KCNMA1: variants seen among roughly 807,000 people sequenced by gnomAD.
KCNMA1 encodes Calcium-activated potassium channel subunit alpha-1.
KCNMA1 carries 29 observed loss-of-function variants against 140.0 expected under a neutral mutation model. That is an observed-to-expected ratio of 0.21 (90% CI 0.15 to 0.28). The LOEUF (loss-of-function observed/expected upper bound fraction) is 0.28, where lower values mean the gene tolerates loss of function less well. Ranked by LOEUF, KCNMA1 falls within the 10% of genes least tolerant of loss-of-function variation. The pLI is 1.00. For missense variants in KCNMA1, 880 were observed against 1,602.2 expected, an observed-to-expected ratio of 0.55 and a Z score of 7.70; for synonymous variants, 612 against 611.9, an observed-to-expected ratio of 1.00 and a Z score of 0.00.
At chr10:77,327,457 G>A (rs1345898713) in intron 2 of KCNMA1, among the ~76,000 whole-genome samples, 2 of 152,102 alleles carry the variant, frequency 1.3e-5, no homozygotes, top group East Asian at 1.9e-4. Flanking sequence ...GGGTTCAAGC[G>A]ATTCTCCTAC....
intron 25 of KCNMA1, chr10:76,902,986 G>T (rs1316200974): frequency 1.3e-5 from 2 of 152,192 alleles, no homozygotes; most frequent in Non-Finnish European, 2.9e-5. Flanking sequence ...CTGAGAGCTG[G>T]CTCAGAACAC....
chr10:77,246,302 T>C (rs2058529492), intron 3 of KCNMA1, among the ~76,000 whole-genome samples: 1 of 152,208 alleles, frequency 6.6e-6, no homozygotes, highest in Admixed American at 6.5e-5. Context: ...CATCTGTAAG[T>C]GGGAATAGTA....
chr10:77,552,844 T>C (rs2063190601), intron 1 of KCNMA1, among the ~76,000 whole-genome samples: 1 of 151,720 alleles, frequency 6.6e-6, no homozygotes, highest in Non-Finnish European at 1.5e-5. Flanking sequence ...AGGCCAGGAG[T>C]TGAAGACCAG....
At chr10:77,536,609 A>G (rs1229481290) in intron 1 of KCNMA1, among the ~76,000 whole-genome samples, 1 of 152,190 alleles carries the variant, frequency 6.6e-6, no homozygotes, top group East Asian at 1.9e-4. Context: ...GAGGAAGTAG[A>G]GGCACAAAGA....
At chr10:77,151,111 C>T (rs190125189) in intron 5 of KCNMA1, among the ~76,000 whole-genome samples, 1 of 151,080 alleles carries the variant, frequency 6.6e-6, no homozygotes, top group East Asian at 1.9e-4. Flanking sequence ...CTCTTTTCTT[C>T]TCTCTCTCTT....
chr10:77,461,123 A>T (rs1384929312), intron 1 of KCNMA1, among the ~76,000 whole-genome samples: 1 of 151,812 alleles, frequency 6.6e-6, no homozygotes, highest in African/African-American at 2.4e-5. Flanking sequence ...AAAAAAAATT[A>T]CCTATTGGAT....
At chr10:77,279,890 A>G (rs1273742470) in intron 2 of KCNMA1, among the ~76,000 whole-genome samples, 1 of 152,178 alleles carries the variant, frequency 6.6e-6, no homozygotes, top group Non-Finnish European at 1.5e-5. Flanking sequence ...CATGATTGTG[A>G]GGCCTCCCCA....
chr10:77,425,124 G>A (rs1197474121), intron 1 of KCNMA1, among the ~76,000 whole-genome samples: 1 of 151,974 alleles, frequency 6.6e-6, no homozygotes, highest in Non-Finnish European at 1.5e-5. Flanking sequence ...TGGATGGATG[G>A]ATGGATGGAT....
intron 2 of KCNMA1, among the ~76,000 whole-genome samples, chr10:77,331,445 G>C (rs1249152032): frequency 6.6e-6 from 1 of 152,132 alleles, no homozygotes; most frequent in Non-Finnish European, 1.5e-5. Flanking sequence ...ATGAAATGAT[G>C]CTGAAGAGGA....
intron 4 of KCNMA1, among the ~76,000 whole-genome samples, chr10:77,183,808 G>T (rs1367327794): frequency 1.3e-5 from 2 of 152,046 alleles, no homozygotes; most frequent in African/African-American, 4.8e-5. Flanking sequence ...AATTTTTAAG[G>T]TCTGGAGGGA....
chr10:77,098,646 G>T (rs2097005277), intron 9 of KCNMA1, among the ~76,000 whole-genome samples: 1 of 151,832 alleles, frequency 6.6e-6, no homozygotes, highest in African/African-American at 2.4e-5. Context: ...TGCAACCAGA[G>T]AATCCTAACT....
At chr10:77,233,227 T>A (rs1024622233) in intron 3 of KCNMA1, among the ~76,000 whole-genome samples, 5 of 152,300 alleles carry the variant, frequency 3.3e-5, no homozygotes, top group Admixed American at 6.5e-5. Context: ...ATTCCACTGA[T>A]CTATATGTCC....
intron 5 of KCNMA1, among the ~76,000 whole-genome samples, chr10:77,140,057 A>C (rs898704934): frequency 6.6e-6 from 1 of 152,240 alleles, no homozygotes; most frequent in African/African-American, 2.4e-5. Context: ...AATAACATTC[A>C]GGAGCACTAG....
rs944950157 is a variant in KCNMA1 at position 77,108,626 on chromosome 10, G to A, written c.1132-54C>T. The A allele has an allele frequency of 4.4e-6, 6 of 1,370,358 alleles. No individual in the cohort carries two copies. The highest frequency in any genetic ancestry group is 1.4e-5 in the African/African-American group (1 of 70,028). 84.9% of individuals were successfully genotyped at this position (1,370,358 alleles called of 1,614,324 possible). ...TAAAAAGACAGGCCAAAGAAAAGGG[G>A]GGACCTGTTCAGAGGGTGGGGGCAC... On this transcript the variant is annotated intron_variant, in intron 8 of 27. Coordinates refer to ENST00000286628, the MANE Select transcript of KCNMA1 (RefSeq NM_001161352.2). The surrounding 1 kb of genome is among the most constrained non-coding windows in gnomAD (Gnocchi z 4.6).
intron 5 of KCNMA1, among the ~76,000 whole-genome samples, chr10:77,137,616 G>A (rs1426991427): frequency 5.9e-5 from 9 of 152,154 alleles, no homozygotes; most frequent in African/African-American, 9.7e-5. Context: ...GTGAATCTGA[G>A]CCTCTCCTTC....
chr10:77,107,277 T>C (rs2097215962), intron 9 of KCNMA1, among the ~76,000 whole-genome samples: 1 of 152,202 alleles, frequency 6.6e-6, no homozygotes, highest in South Asian at 2.1e-4. Context: ...AACAGTTCCA[T>C]GATAGGAACG....
At chr10:77,509,571 C>G (rs916037147) in intron 1 of KCNMA1, among the ~76,000 whole-genome samples, 1 of 152,186 alleles carries the variant, frequency 6.6e-6, no homozygotes, top group South Asian at 2.1e-4. Flanking sequence ...AACTGCCATA[C>G]TGTTTTCCAC....
chr10:77,180,417 T>C (rs915419883), intron 5 of KCNMA1, among the ~76,000 whole-genome samples: 2 of 152,218 alleles, frequency 1.3e-5, no homozygotes, highest in Admixed American at 6.5e-5. Context: ...GAGATCAGTT[T>C]TAGATTTCAC....
intron 3 of KCNMA1, among the ~76,000 whole-genome samples, chr10:77,212,929 C>T (rs964565911): frequency 6.6e-5 from 10 of 152,160 alleles, no homozygotes; most frequent in African/African-American, 2.4e-4. Context: ...CTTTCACTTG[C>T]TAATTGGTTT....
Sources: allele counts gnomAD v4.1 joint callset (sites outside exome capture counted in the v4.1 genomes callset), GRCh38; gene constraint gnomAD v4.1.1; non-coding constraint Gnocchi (gnomAD v3.1); transcripts MANE v1.5; gene names NCBI Gene and HGNC (gene_info 2026-07-23, HGNC 2026-07-21).